FSIP1: variants seen among roughly 807,000 people sequenced by gnomAD.
The protein encoded by FSIP1 is fibrous sheath-interacting protein 1.
Under a neutral mutation model 60.9 loss-of-function variants are expected in FSIP1, and 65 were observed. The observed-to-expected ratio is 1.07, with a 90% CI of 0.87 to 1.31. FSIP1 has a LOEUF of 1.31. Among genes scored for constraint, FSIP1 ranks in the 40% most tolerant of loss-of-function variants. The pLI, the probability that FSIP1 is intolerant of heterozygous loss-of-function variation, is 0.00. For missense variants in FSIP1, 675 were observed against 665.5 expected (o/e 1.01, Z -0.16); for synonymous variants, 209 against 221.2 (o/e 0.94, Z 0.49).
intron 10 of FSIP1, among the ~76,000 whole-genome samples, chr15:39,691,898 C>T (rs1170908258): frequency 6.6e-6 from 1 of 151,964 alleles, no homozygotes. Flanking sequence ...AGATAGAGAG[C>T]GAGTGATAGA....
chr15:39,782,025 C>T (rs1898283166), intron 1 of FSIP1, among the ~76,000 whole-genome samples: 1 of 152,318 alleles, frequency 6.6e-6, no homozygotes, highest in South Asian at 2.1e-4. Flanking sequence ...TATGCTCATA[C>T]ATCCATAAAA....
chr15:39,632,741 C>T (rs1302526538), intron 10 of FSIP1, among the ~76,000 whole-genome samples: 3 of 151,926 alleles, frequency 2.0e-5, no homozygotes, highest in South Asian at 2.1e-4. Context: ...TGCAGTGAGC[C>T]GAGATCGGCC....
At position 39,739,655 on chromosome 15, in the gene FSIP1, A is replaced by G. The variant is rs1197176968; in HGVS notation, c.780+10T>C. On this transcript the variant is annotated intron_variant, in intron 7 of 11. Transcript: ENST00000350221. Reference sequence around the variant, plus strand: ...CCCAAATTCTGGCTTCTGAATTTCTAAGTACATACCTCAATGTTTCTCTTA... The same window carrying G: ...CCCAAATTCTGGCTTCTGAATTTCTGAGTACATACCTCAATGTTTCTCTTA... The G allele has an allele frequency of 6.3e-7, 1 of 1,583,818 alleles. No individual in the cohort carries two copies. Among genetic ancestry groups the G allele is most frequent in the Non-Finnish European group, 8.5e-7 (1 of 1,173,012 alleles).
At chr15:39,754,994 G>A (rs75220009) in intron 5 of FSIP1, among the ~76,000 whole-genome samples, 1 of 151,944 alleles carries the variant, frequency 6.6e-6, no homozygotes, top group African/African-American at 2.4e-5. Flanking sequence ...AAGAGATGTG[G>A]ACTATTCTTT....
At chr15:39,674,097 C>G (rs1893832553) in intron 10 of FSIP1, among the ~76,000 whole-genome samples, 1 of 151,612 alleles carries the variant, frequency 6.6e-6, no homozygotes, top group South Asian at 2.1e-4. Context: ...CTCTGTCGCC[C>G]AGGCTGGAGT....
At chr15:39,729,818 A>G (rs1388948110) in intron 8 of FSIP1, among the ~76,000 whole-genome samples, 1 of 152,216 alleles carries the variant, frequency 6.6e-6, no homozygotes, top group East Asian at 1.9e-4. Flanking sequence ...GTTCTCACTT[A>G]TAAGTGGGAG....
chr15:39,745,671 A>G (rs542969606), intron 5 of FSIP1, among the ~76,000 whole-genome samples: 1 of 152,306 alleles, frequency 6.6e-6, no homozygotes, highest in African/African-American at 2.4e-5. Flanking sequence ...CCTAACATGC[A>G]TATCTTTGAG....
At chr15:39,630,881 A>C (rs1260950765) in intron 10 of FSIP1, among the ~76,000 whole-genome samples, 1 of 152,342 alleles carries the variant, frequency 6.6e-6, no homozygotes, top group Admixed American at 6.5e-5. Flanking sequence ...GTGATACCAC[A>C]GAGCAGCCTA....
intron 10 of FSIP1, among the ~76,000 whole-genome samples, chr15:39,696,613 G>A (rs1894822865): frequency 6.6e-6 from 1 of 152,082 alleles, no homozygotes. Context: ...TATATCCTAA[G>A]ACAATAATTA....
intron 8 of FSIP1, among the ~76,000 whole-genome samples, chr15:39,727,161 CA>C (rs1896232371): frequency 6.6e-6 from 1 of 152,200 alleles, no homozygotes; most frequent in African/African-American, 2.4e-5. Context: ...TCTATAAAAT[CA>C]GTTGCTTGGG....
intron 9 of FSIP1, among the ~76,000 whole-genome samples, chr15:39,724,934 T>C (rs943846951): frequency 6.6e-6 from 1 of 152,154 alleles, no homozygotes; most frequent in African/African-American, 2.4e-5. Context: ...CTAACTCATG[T>C]CAAAGTCCTG....
chr15:39,717,717 T>C (rs776803614), intron 9 of FSIP1, among the ~76,000 whole-genome samples: 28 of 152,182 alleles, frequency 1.8e-4, no homozygotes, highest in African/African-American at 4.8e-5. Flanking sequence ...AATGGCCCCA[T>C]AGGCACACCG....
At chr15:39,756,342 C>T (rs2140683133) in intron 5 of FSIP1, among the ~76,000 whole-genome samples, 1 of 152,188 alleles carries the variant, frequency 6.6e-6, no homozygotes, top group Admixed American at 6.6e-5. Flanking sequence ...GCCATTCAGC[C>T]ATCAGCCCAA....
chr15:39,722,208 G>A (rs1052480468), intron 9 of FSIP1, among the ~76,000 whole-genome samples: 1 of 151,930 alleles, frequency 6.6e-6, no homozygotes, highest in Non-Finnish European at 1.5e-5. Context: ...TTCCTTATGA[G>A]AATCTAATAC....
chr15:39,700,673 C>T (rs1566891292), intron 10 of FSIP1, among the ~76,000 whole-genome samples: 1 of 152,170 alleles, frequency 6.6e-6, no homozygotes, highest in Non-Finnish European at 1.5e-5. Context: ...GGAAAGATTG[C>T]CCACCCCAGT....
intron 10 of FSIP1, among the ~76,000 whole-genome samples, chr15:39,645,659 T>A (rs1892567338): frequency 1.3e-5 from 2 of 152,166 alleles, no homozygotes; most frequent in African/African-American, 4.8e-5. Context: ...AGGCCGGAGC[T>A]CCTGGCTGCA....
intron 10 of FSIP1, among the ~76,000 whole-genome samples, chr15:39,650,877 G>A (rs1261468088): frequency 6.6e-6 from 1 of 152,204 alleles, no homozygotes; most frequent in Admixed American, 6.5e-5. Context: ...TTCCTCCTTC[G>A]AATAAAAACA....
chr15:39,733,201 T>C (rs1039645841), intron 8 of FSIP1, among the ~76,000 whole-genome samples: 2 of 152,200 alleles, frequency 1.3e-5, no homozygotes, highest in African/African-American at 4.8e-5. Context: ...TGGCTAATTG[T>C]TGTATTTTTA....
chr15:39,762,521 T>C (rs961422843), intron 5 of FSIP1, among the ~76,000 whole-genome samples: 8 of 152,226 alleles, frequency 5.3e-5, no homozygotes, highest in African/African-American at 1.7e-4. Flanking sequence ...GACATGAATT[T>C]GAGAGAGACA....
Sources: allele counts gnomAD v4.1 joint callset (sites outside exome capture counted in the v4.1 genomes callset), GRCh38; gene constraint gnomAD v4.1.1; transcripts MANE v1.5; gene names NCBI Gene and HGNC (gene_info 2026-07-23, HGNC 2026-07-21).